Variants in CSMD1 observed in about 807,000 individuals in gnomAD.
The protein encoded by CSMD1 is CUB and sushi domain-containing protein 1.
In CSMD1, 213 loss-of-function variants were observed where a neutral mutation model predicts 417.5. The ratio of observed to expected loss-of-function variants is 0.51; its 90% confidence interval spans 0.46 to 0.57. CSMD1 has a LOEUF of 0.57. CSMD1 is among the 20% of genes least tolerant of loss of function. The pLI is 0.00. For missense variants in CSMD1, 6,923 were observed against 4,529.7 expected (o/e 1.53, Z -15.17); for synonymous variants, 2,862 against 1,736.8 (o/e 1.65, Z -16.11).
intron 3 of CSMD1, among the ~76,000 whole-genome samples, chr8:4,165,541 C>A (rs956314116): frequency 2.0e-5 from 3 of 152,106 alleles, no homozygotes; most frequent in East Asian, 3.9e-4. Context: ...GTAGGTGGGA[C>A]CTCCGGTGCA....
At position 4,406,893 on chromosome 8, in the gene CSMD1, C is replaced by T. The variant is rs903946284; in HGVS notation, c.415+13060G>A. Among the ~76,000 whole-genome samples the T allele has an allele frequency of 5.3e-5, 8 of 152,172 alleles. 1 individual carries two copies. The highest frequency in any genetic ancestry group is 1.3e-4 in the Admixed American group (2 of 15,276). On this transcript the variant is annotated intron_variant, in intron 3 of 69. Transcript: ENST00000635120. ...TCGTATTGAGGGCCATTTACTTTCT[C>T]TATTGTGCATTGAGAAAGTGGGTTA...
intron 1 of CSMD1, among the ~76,000 whole-genome samples, chr8:4,843,158 C>A (rs1191510821): frequency 6.6e-6 from 1 of 152,164 alleles, no homozygotes; most frequent in Non-Finnish European, 1.5e-5. Flanking sequence ...CACTACCAGT[C>A]TTCTTCCTGG....
At chr8:4,381,381 A>G (rs1803093806) in intron 3 of CSMD1, among the ~76,000 whole-genome samples, 1 of 152,128 alleles carries the variant, frequency 6.6e-6, no homozygotes, top group African/African-American at 2.4e-5. Context: ...TGGCTGTAAG[A>G]GTAAGCAGGG....
chr8:3,863,559 C>T (rs527587675), intron 5 of CSMD1, among the ~76,000 whole-genome samples: 9 of 152,186 alleles, frequency 5.9e-5, no homozygotes, highest in South Asian at 2.1e-4. Flanking sequence ...CAGACCACAG[C>T]GCACTGTTTA....
At chr8:4,418,429 G>A (rs974587938) in intron 3 of CSMD1, among the ~76,000 whole-genome samples, 1 of 152,090 alleles carries the variant, frequency 6.6e-6, no homozygotes, top group African/African-American at 2.4e-5. Context: ...TATTCATATA[G>A]TGATTTCTCA....
chr8:4,056,271 T>C (rs1176649166), intron 3 of CSMD1, among the ~76,000 whole-genome samples: 6 of 151,742 alleles, frequency 4.0e-5, no homozygotes, highest in South Asian at 2.1e-4. Flanking sequence ...TTAGTAGAGA[T>C]GGAGTTTCAC....
intron 2 of CSMD1, among the ~76,000 whole-genome samples, chr8:4,525,322 C>T (rs901212186): frequency 2.0e-5 from 3 of 152,130 alleles, no homozygotes; most frequent in African/African-American, 2.4e-5. Flanking sequence ...AGGCTCCCGG[C>T]ATGGGGATTT....
intron 38 of CSMD1, among the ~76,000 whole-genome samples, chr8:3,161,354 C>A (rs1028476387): frequency 2.0e-5 from 3 of 152,134 alleles, no homozygotes; most frequent in Non-Finnish European, 4.4e-5. Context: ...CAGTAGCTCA[C>A]ACCTGTAATC....
At chr8:4,322,623 G>A (rs1799334375) in intron 3 of CSMD1, among the ~76,000 whole-genome samples, 1 of 152,152 alleles carries the variant, frequency 6.6e-6, no homozygotes, top group African/African-American at 2.4e-5. Flanking sequence ...AAAAATGCTG[G>A]ACATATTTGA....
chr8:3,956,796 C>T (rs892198654), intron 5 of CSMD1, among the ~76,000 whole-genome samples: 2 of 152,056 alleles, frequency 1.3e-5, no homozygotes, highest in African/African-American at 4.8e-5. Flanking sequence ...GATTTAGGAG[C>T]TTGAAGGACA....
chr8:3,862,465 G>A (rs1264219510), intron 5 of CSMD1, among the ~76,000 whole-genome samples: 5 of 152,080 alleles, frequency 3.3e-5, no homozygotes, highest in South Asian at 4.1e-4. Context: ...TAATTCAAAT[G>A]TGAGCCTTTC....
intron 3 of CSMD1, among the ~76,000 whole-genome samples, chr8:4,139,041 G>T (rs187468869): frequency 6.6e-6 from 1 of 152,140 alleles, no homozygotes; most frequent in African/African-American, 2.4e-5. Flanking sequence ...TTCAGCACCT[G>T]AGACAGACTT....
intron 1 of CSMD1, among the ~76,000 whole-genome samples, chr8:4,951,614 T>A (rs1020271739): frequency 2.0e-5 from 3 of 151,638 alleles, no homozygotes; most frequent in African/African-American, 7.3e-5. Context: ...GGGGTTTTTT[T>A]AATGCCTGTG....
chr8:4,754,391 G>A (rs1441133154), intron 1 of CSMD1, among the ~76,000 whole-genome samples: 3 of 151,896 alleles, frequency 2.0e-5, no homozygotes, highest in Non-Finnish European at 4.4e-5. Context: ...TAATTGATCT[G>A]TAGTGTCATA....
chr8:4,054,333 G>A (rs1191581374), intron 3 of CSMD1, among the ~76,000 whole-genome samples: 2 of 152,114 alleles, frequency 1.3e-5, no homozygotes, highest in East Asian at 1.9e-4. Flanking sequence ...GCTGGGGTAG[G>A]AATGTGTGGT....
At chr8:3,865,430 G>A (rs1010623699) in intron 5 of CSMD1, among the ~76,000 whole-genome samples, 1 of 152,134 alleles carries the variant, frequency 6.6e-6, no homozygotes, top group Admixed American at 6.6e-5. Flanking sequence ...AAGCGAGACT[G>A]TGAGGGCTCA....
chr8:4,207,050 A>G (rs146163850), intron 3 of CSMD1, among the ~76,000 whole-genome samples: 135 of 152,278 alleles, frequency 8.9e-4, no homozygotes, highest in Non-Finnish European at 1.4e-3. Context: ...CTATTTTTCT[A>G]TTTACATTTG....
chr8:3,358,655 T>C (rs779883375), intron 21 of CSMD1, among the ~76,000 whole-genome samples: 26 of 152,172 alleles, frequency 1.7e-4, no homozygotes, highest in Admixed American at 4.6e-4. Flanking sequence ...GAATTCAGCA[T>C]TCAGATGCCT....
At chr8:3,526,089 T>A (rs908593355) in intron 10 of CSMD1, among the ~76,000 whole-genome samples, 1 of 152,164 alleles carries the variant, frequency 6.6e-6, no homozygotes, top group Non-Finnish European at 1.5e-5. Context: ...ACATGCTGAA[T>A]TGTCAATTCA....
Sources: gnomAD v4.1 joint callset for allele counts (sites outside exome capture counted in the v4.1 genomes callset) on GRCh38, gnomAD v4.1.1 for gene constraint, MANE v1.5 for transcripts, NCBI Gene and HGNC (gene_info 2026-07-23, HGNC 2026-07-21) for gene names.